MAN1C1: variants seen among roughly 807,000 people sequenced by gnomAD.
MAN1C1 encodes the protein mannosidase alpha class 1C member 1.
MAN1C1 carries 49 observed loss-of-function variants against 71.5 expected under a neutral mutation model. The ratio of observed to expected loss-of-function variants is 0.69; its 90% confidence interval spans 0.54 to 0.87. MAN1C1 has a LOEUF of 0.87. MAN1C1 is among the 40% of genes least tolerant of loss of function. The pLI, the probability that MAN1C1 is intolerant of heterozygous loss-of-function variation, is 0.00. For synonymous variants in MAN1C1, 352 were observed against 343.7 expected, an observed-to-expected ratio of 1.02 and a Z score of -0.27; for missense variants, 743 against 835.0, an observed-to-expected ratio of 0.89 and a Z score of 1.36.
In MAN1C1 at chr1:25,632,442, CA is replaced by C. The variant is rs1329585020; in HGVS notation, c.540+14108del. On this transcript the variant is annotated intron_variant, in intron 1 of 11. Coordinates refer to ENST00000374332, the MANE Select transcript of MAN1C1 (RefSeq NM_020379.4). ...GGTCTATCAATTTTGTTTATCTTTT[CA>C]AAGAACCAGCTTTTTATTTCATCTT... Among the ~76,000 whole-genome samples the C allele has an allele frequency of 2.0e-5, 3 of 152,132 alleles. No homozygotes were observed. In the East Asian group the frequency reaches 5.8e-4, roughly 29 times the overall value.
chr1:25,750,549 G>A (rs1032054724), intron 4 of MAN1C1, among the ~76,000 whole-genome samples: 2 of 152,174 alleles, frequency 1.3e-5, no homozygotes, highest in African/African-American at 4.8e-5. Flanking sequence ...AGTCATTTCC[G>A]CTTCCCTTCA....
At chr1:25,695,870 A>G (rs2046363239) in intron 2 of MAN1C1, among the ~76,000 whole-genome samples, 1 of 152,204 alleles carries the variant, frequency 6.6e-6, no homozygotes, top group Non-Finnish European at 1.5e-5. Flanking sequence ...ATCAGTACAA[A>G]GGGGTTTGCT....
At position 25,735,275 on chromosome 1, in the gene MAN1C1, G is replaced by A. The variant is rs1031753413; in HGVS notation, c.638-11393G>A. Among the ~76,000 whole-genome samples, 11 of 152,098 alleles carry A rather than the reference G, an allele frequency of 7.2e-5. No homozygotes were observed. The highest frequency in any genetic ancestry group is 1.9e-4 in the African/African-American group (8 of 41,432). On this transcript the variant is annotated intron_variant, in intron 2 of 11. Transcript: ENST00000374332. This position sits in a 1 kb window ranked among gnomAD's most constrained non-coding sequence, Gnocchi z 4.6. ...TCTGCCAAAAACACAAAAATTAGCC[G>A]GGCATGCTGACGCATGCCTGTAATC... is the stretch of plus-strand genomic sequence containing the variant.
intron 2 of MAN1C1, among the ~76,000 whole-genome samples, chr1:25,705,051 A>G (rs762428508): frequency 6.6e-6 from 1 of 152,238 alleles, no homozygotes; most frequent in Non-Finnish European, 1.5e-5. Context: ...TTTATGTTGG[A>G]AGTATCTGAG....
intron 2 of MAN1C1, among the ~76,000 whole-genome samples, chr1:25,720,587 G>T (rs879879589): frequency 6.6e-6 from 1 of 152,166 alleles, no homozygotes; most frequent in African/African-American, 2.4e-5. Flanking sequence ...TTCTCTATGG[G>T]ACATATGATT....
intron 1 of MAN1C1, among the ~76,000 whole-genome samples, chr1:25,677,052 A>G (rs533040306): frequency 3.3e-5 from 5 of 152,302 alleles, no homozygotes; most frequent in Admixed American, 6.5e-5. Flanking sequence ...TCTTTTCTGC[A>G]GGAGAGAACT....
chr1:25,624,998 ATTTTTTTT>A (rs1032269792), intron 1 of MAN1C1, among the ~76,000 whole-genome samples: 2 of 101,590 alleles, frequency 2.0e-5, no homozygotes, highest in East Asian at 2.8e-4. Flanking sequence ...AAATGCACAG[ATTTTTTTT>A]TTTTTTTTTT....
rs72662654 is a variant in MAN1C1, at chr1:25,668,539, C to T, written c.541-17901C>T. On this transcript the variant is annotated intron_variant, in intron 1 of 11. Transcript: ENST00000374332. ...GGACAGACCTGGGTTTGAATCCAAG[C>T]CTTCTACTTTTCTTTCTTTCTTTTT... Among the ~76,000 whole-genome samples, 1,194 of 147,346 alleles carry T rather than the reference C, an allele frequency of 8.1e-3. 10 individuals carry two copies. The highest frequency in any genetic ancestry group is 0.012 in the Non-Finnish European group (807 of 67,810).
intron 3 of MAN1C1, among the ~76,000 whole-genome samples, chr1:25,748,176 G>A (rs1189303198): frequency 6.6e-6 from 1 of 152,180 alleles, no homozygotes; most frequent in African/African-American, 2.4e-5. Flanking sequence ...TCAGGCAGGT[G>A]GGGCAGGTGA....
Position 25,618,046 on chromosome 1 carries a change from C to T in MAN1C1, c.249C>T (p.Asn83=). The T allele has an allele frequency of 6.4e-7, 1 of 1,572,870 alleles. No homozygotes were observed. Among genetic ancestry groups the T allele is most frequent in the Non-Finnish European group, 8.6e-7 (1 of 1,163,780 alleles). ...CCCGCGAGCAGGAGCCGCCTCCCAACCCGGCCCCCGCCGCGCCGGCCCCGG... is the reference window on the plus strand; with the variant it reads ...CCCGCGAGCAGGAGCCGCCTCCCAATCCGGCCCCCGCCGCGCCGGCCCCGG... ...APAREQEPPP[N]PAPAAPAPGE... is the part of the protein sequence containing the mutation. The change falls in exon 1 of 12, where the codon AAC becomes AAT. Residue 83 remains asparagine, a synonymous_variant. Transcript: ENST00000374332.
chr1:25,753,695 G>GTGGTCCCAA lies in MAN1C1; in HGVS notation c.929+117_929+118insTGGTCCCAA. ...GGGGCAGTAGGCAGGCAAGCAGGAG[G>GTGGTCCCAA]GGGGACCCTTGGGACCACCTCTGTT... is the stretch of plus-strand genomic sequence containing the variant. On this transcript the variant is annotated intron_variant, in intron 5 of 11. Transcript: ENST00000374332. The surrounding 1 kb of genome is among the most constrained non-coding windows in gnomAD (Gnocchi z 4.9). 1 of 830,264 alleles carries GTGGTCCCAA rather than the reference G, an allele frequency of 1.2e-6. No homozygotes were observed. Among genetic ancestry groups the GTGGTCCCAA allele is most frequent in the Non-Finnish European group, 1.9e-6 (1 of 527,406 alleles). The allele number at this position is 830,264 out of a possible 1,614,324, so 51.4% of individuals were successfully genotyped here.
chr1:25,748,194 TC>T (rs1302170215), intron 3 of MAN1C1, among the ~76,000 whole-genome samples: 1 of 152,042 alleles, frequency 6.6e-6, no homozygotes, highest in African/African-American at 2.4e-5. Context: ...TGAGGAAATG[TC>T]CCTGGAAGAA....
Position 25,618,219 on chromosome 1 carries a change from T to A in MAN1C1, c.422T>A (p.Phe141Tyr). 2 of 1,597,992 alleles carry A rather than the reference T, an allele frequency of 1.3e-6. No individual in the cohort carries two copies. Among genetic ancestry groups the A allele is most frequent in the Non-Finnish European group, 1.7e-6 (2 of 1,175,040 alleles). ...AGGCCCGGGGACGAGGGCGTCCCTT[T>A]CCGCTTTGACTTCAACGCATTCCGG... ...ASRPGDEGVP[F>Y]RFDFNAFRSR... The change falls in exon 1 of 12, where the codon TTC becomes TAC. Residue 141 changes from phenylalanine to tyrosine, a missense_variant. Transcript: ENST00000374332.
chr1:25,688,797 C>G (rs1156787484), intron 2 of MAN1C1, among the ~76,000 whole-genome samples: 1 of 152,194 alleles, frequency 6.6e-6, no homozygotes, highest in African/African-American at 2.4e-5. Flanking sequence ...TATGTACGAA[C>G]AAGCAAAGGG....
Position 25,771,687 on chromosome 1 carries a change from GT to G in MAN1C1, c.1177del (p.Tyr393MetfsTer4). 6.2e-7 allele frequency: 1 copy of G among 1,614,184 alleles called. No homozygotes were observed. Among genetic ancestry groups the G allele is most frequent in the Non-Finnish European group, 8.5e-7 (1 of 1,180,004 alleles). Reference sequence around the variant, plus strand: ...GTCTCAGTTGGAGGACTCGGGGACAGTTTTTATGAATATTTGATCAAATCCT... The same window carrying G: ...GTCTCAGTTGGAGGACTCGGGGACAGTTTTATGAATATTTGATCAAATCCT... ...HHVSVGGLGD[S>X]FYEYLIKSWL... On this transcript the variant is annotated frameshift_variant, in exon 8 of 12. Transcript: ENST00000374332. LOFTEE classifies it high-confidence loss of function.
chr1:25,701,160 A>T (rs1476535959), intron 2 of MAN1C1, among the ~76,000 whole-genome samples: 1 of 152,262 alleles, frequency 6.6e-6, no homozygotes, highest in East Asian at 1.9e-4. Flanking sequence ...TGCCGGGACC[A>T]GAGGAGTCAT....
chr1:25,756,391 T>A (rs2047286695), intron 5 of MAN1C1, among the ~76,000 whole-genome samples: 1 of 152,114 alleles, frequency 6.6e-6, no homozygotes, highest in African/African-American at 2.4e-5. Flanking sequence ...CCAGGGCATC[T>A]CCACCACAGG....
At chr1:25,737,505 C>T (rs567444268) in intron 2 of MAN1C1, among the ~76,000 whole-genome samples, 29 of 152,336 alleles carry the variant, frequency 1.9e-4, no homozygotes, top group African/African-American at 4.3e-4. Flanking sequence ...CAAGAAAGAG[C>T]TGTTGGCATT....
chr1:25,685,597 G>A (rs1022616129), intron 1 of MAN1C1, among the ~76,000 whole-genome samples: 2 of 152,224 alleles, frequency 1.3e-5, no homozygotes, highest in South Asian at 2.1e-4. Context: ...CTGGCGTGAC[G>A]CTCCTGAGAG....
Sources: gnomAD v4.1 joint callset for allele counts (sites outside exome capture counted in the v4.1 genomes callset) on GRCh38, gnomAD v4.1.1 for gene constraint, Gnocchi (gnomAD v3.1) non-coding constraint, MANE v1.5 for transcripts, NCBI Gene and HGNC (gene_info 2026-07-23, HGNC 2026-07-21) for gene names.